Variants in USP44 observed in about 807,000 individuals in gnomAD.
The protein encoded by USP44 is ubiquitin carboxyl-terminal hydrolase 44.
In USP44, 61 loss-of-function variants were observed where a neutral mutation model predicts 69.0. The ratio of observed to expected loss-of-function variants is 0.88; its 90% CI spans 0.72 to 1.09. The LOEUF (loss-of-function observed/expected upper bound fraction) is 1.09, where lower values mean the gene tolerates loss of function less well. USP44 is among the 50% of genes least tolerant of loss of function. The pLI is 0.00. For synonymous variants in USP44, 297 were observed against 295.4 expected (o/e 1.01, Z -0.06); for missense variants, 753 against 849.9 (o/e 0.89, Z 1.42).
At chr12:95,537,792 G>C (rs1367388103) in intron 1 of USP44, among the ~76,000 whole-genome samples, 2 of 152,144 alleles carry the variant, frequency 1.3e-5, no homozygotes, top group African/African-American at 2.4e-5. Flanking sequence ...TGGGTAATGG[G>C]ACTGAAAATT....
chr12:95,534,949 G>C (rs1208434763), intron 1 of USP44, among the ~76,000 whole-genome samples: 1 of 152,190 alleles, frequency 6.6e-6, no homozygotes, highest in African/African-American at 2.4e-5. Context: ...CCAAAGTGCT[G>C]GGATTACAGG....
In USP44 at chr12:95,540,817, A is replaced by AT. The variant is rs1327579038; in HGVS notation, c.-70-6492dup. Among the ~76,000 whole-genome samples the AT allele has an allele frequency of 5.3e-5, 8 of 152,154 alleles. No individual in the cohort carries two copies. In the East Asian group the frequency reaches 1.5e-3, roughly 29 times the overall value. On this transcript the variant is annotated intron_variant, in intron 1 of 5. Coordinates refer to ENST00000258499, the MANE Select transcript of USP44 (RefSeq NM_032147.5). ...TCATCTGGATTGTCTCCTGCATACT[A>AT]TCCCACCAAATTAACCTTTGAGTTT...
chr12:95,533,445 C>T lies in USP44; in HGVS notation c.812G>A (p.Gly271Asp), dbSNP rs772324789. 3 of 1,614,152 alleles carry T rather than the reference C, an allele frequency of 1.9e-6. No individual in the cohort carries two copies. The Admixed American group carries it at 5.0e-5, about 27-fold the overall frequency. The change falls in exon 2 of 6, where the codon GGT (glycine) becomes GAT (aspartate). Residue 271 changes from glycine to aspartate, a missense_variant. Transcript: ENST00000258499. ...TCCCAAATTTCTCAATCCTGTTACA[C>T]CAGGAGTTACTATTGGCCTTCGTTT... Reference protein sequence around the residue: ...SVKRRPIVTPGVTGLRNLGNT... With the variant: ...SVKRRPIVTPDVTGLRNLGNT...
chr12:95,534,230 A>G lies in USP44; in HGVS notation c.27T>C (p.His9=). Residue 9 remains histidine, a synonymous_variant, in exon 2 of 6, where the codon CAT becomes CAC. Transcript: ENST00000258499. ...CTTGAGCAAGCTGCAGCTGCCCAAC[A>G]TGTTTGCACGTATCCATTGCTAGCA... MLAMDTCK[H]VGQLQLAQDH... The G allele has an allele frequency of 6.2e-7, 1 of 1,612,620 alleles. No homozygotes were observed. The highest frequency in any genetic ancestry group is 8.5e-7 in the Non-Finnish European group (1 of 1,178,946).
chr12:95,518,285 C>T lies in USP44; in HGVS notation c.2008G>A (p.Ala670Thr). Residue 670 changes from alanine (A) to threonine (T), a missense_variant, in exon 6 of 6, where the codon GCT (alanine) becomes ACT (threonine). Physicochemically the swap from Ala to Thr is moderately conservative, Grantham distance 58. Transcript: ENST00000258499. ...CTMDEVCKAQ[A>T]YILFYTQRVT... is the part of the protein sequence containing the mutation. ...CGTTGGGTATAAAACAAGATATAAG[C>T]TTGAGCCTTGCATACTTCATCCATA... 1 of 1,614,126 alleles carries T rather than the reference C, an allele frequency of 6.2e-7. No individual in the cohort carries two copies. The highest frequency in any genetic ancestry group is 1.3e-5 in the African/African-American group (1 of 75,032).
rs561565870 is a variant in USP44 at position 95,517,929 on chromosome 12, C to A, written c.*225G>T. On this transcript the variant is annotated 3_prime_UTR_variant, in exon 6 of 6. Transcript: ENST00000258499. ...CATAAAAATATAAAAGAGGTAACAT[C>A]AGTCTGAGGTAAACACCAAAAGTTT... is the stretch of plus-strand genomic sequence containing the variant. The A allele has an allele frequency of 7.6e-6, 3 of 394,016 alleles. No homozygotes were observed. The East Asian group carries it at 1.2e-4, about 16-fold the overall frequency. The allele number at this position is 394,016 out of a possible 1,614,324, so 24.4% of individuals were successfully genotyped here.
chr12:95,538,475 T>C (rs1428706112), intron 1 of USP44, among the ~76,000 whole-genome samples: 2 of 151,880 alleles, frequency 1.3e-5, no homozygotes, highest in Non-Finnish European at 2.9e-5. Context: ...ACTAAGGTGC[T>C]AACAGATAAT....
intron 5 of USP44, among the ~76,000 whole-genome samples, chr12:95,519,983 A>G (rs1199009856): frequency 3.2e-5 from 4 of 123,644 alleles, no homozygotes; most frequent in Non-Finnish European, 4.8e-5. Flanking sequence ...ACTCTAGCCC[A>G]GGGGAAAGAG....
At chr12:95,538,545 G>C (rs1286917425) in intron 1 of USP44, among the ~76,000 whole-genome samples, 1 of 150,008 alleles carries the variant, frequency 6.7e-6, no homozygotes, top group Admixed American at 6.6e-5. Flanking sequence ...ATTTTAAAAG[G>C]GGGGGGTCTC....
At chr12:95,539,989 T>G (rs2077336336) in intron 1 of USP44, among the ~76,000 whole-genome samples, 1 of 152,324 alleles carries the variant, frequency 6.6e-6, no homozygotes, top group African/African-American at 2.4e-5. Context: ...TAATTTCTAT[T>G]AACTCAAATT....
Position 95,537,006 on chromosome 12 carries a change from A to G in USP44, c.-70-2680T>C, listed in dbSNP as rs139792337. Among the ~76,000 whole-genome samples, 5 of 152,346 alleles carry G rather than the reference A, an allele frequency of 3.3e-5. 1 individual carries two copies. Among genetic ancestry groups the G allele is most frequent in the African/African-American group, 9.6e-5 (4 of 41,586 alleles). The stretch of plus-strand genomic sequence containing the variant: ...GAGCCACTGAAGAAATCTGTAGAGG[A>G]GAATGATATGATCAGATCTGTGGGT... On this transcript the variant is annotated intron_variant, in intron 1 of 5. Coordinates refer to ENST00000258499, the MANE Select transcript of USP44 (RefSeq NM_032147.5).
chr12:95,533,814 G>A lies in USP44; in HGVS notation c.443C>T (p.Thr148Ile). The A allele has an allele frequency of 6.2e-7, 1 of 1,614,120 alleles. No individual in the cohort carries two copies. The change falls in exon 2 of 6, where the codon ACT (threonine) becomes ATT (isoleucine). Residue 148 changes from threonine (T) to isoleucine (I), a missense_variant. By Grantham distance (89) the Thr-to-Ile change is moderately conservative. Coordinates refer to ENST00000258499, the MANE Select transcript of USP44 (RefSeq NM_032147.5). ...SLLQSEDQLY[T>I]ALWHRRRILM... ...TATCCTTCTCCTGTGCCAAAGAGCA[G>A]TATACAGTTGATCTTCACTTTGAAG...
At chr12:95,535,146 A>G (rs1358032935) in intron 1 of USP44, among the ~76,000 whole-genome samples, 1 of 152,268 alleles carries the variant, frequency 6.6e-6, no homozygotes, top group African/African-American at 2.4e-5. Flanking sequence ...ACACTGTTAA[A>G]TGTATGATTT....
intron 1 of USP44, chr12:95,546,390 T>C (rs2077571708): frequency 6.6e-6 from 1 of 152,246 alleles, no homozygotes; most frequent in Admixed American, 6.5e-5. Flanking sequence ...TAAAGTTTTT[T>C]ATGGCGTCTA....
intron 4 of USP44, among the ~76,000 whole-genome samples, chr12:95,521,678 G>A (rs2076666533): frequency 6.6e-6 from 1 of 152,116 alleles, no homozygotes; most frequent in Non-Finnish European, 1.5e-5. Flanking sequence ...GTAGAGACAG[G>A]ACTTTATCAT....
At position 95,534,334 on chromosome 12, in the gene USP44, G is replaced by T; in HGVS notation, c.-70-8C>A. On this transcript the variant is annotated splice_region_variant and splice_polypyrimidine_tract_variant and intron_variant, in intron 1 of 5. Coordinates refer to ENST00000258499, the MANE Select transcript of USP44 (RefSeq NM_032147.5). ...ACTTGAAGCATCTGAAAACTAAACAGAACAATGTCAAGTGTTAATAACAAG... is the reference window on the plus strand; with the variant it reads ...ACTTGAAGCATCTGAAAACTAAACATAACAATGTCAAGTGTTAATAACAAG... The T allele has an allele frequency of 7.6e-7, 1 of 1,313,278 alleles. No individual in the cohort carries two copies. The allele number at this position is 1,313,278 out of a possible 1,614,324, so 81.4% of individuals were successfully genotyped here. A position where few individuals can be genotyped will look rare whatever the true frequency, so the allele number is the denominator to read the frequency against.
rs544554452 is a variant in USP44 at position 95,546,158 on chromosome 12, A to G, written c.-71+5114T>C. ...GTCACATCAACAAATTTACACATCAATCTACCGCAGCTAACTTCGTAACAA... is the reference window on the plus strand; with the variant it reads ...GTCACATCAACAAATTTACACATCAGTCTACCGCAGCTAACTTCGTAACAA... On this transcript the variant is annotated intron_variant, in intron 1 of 5. Coordinates refer to ENST00000258499, the MANE Select transcript of USP44 (RefSeq NM_032147.5). Among the ~76,000 whole-genome samples, 22 of 152,356 alleles carry G rather than the reference A, an allele frequency of 1.4e-4. No homozygotes were observed. The South Asian group carries it at 4.3e-3, about 30-fold the overall frequency.
chr12:95,541,512 C>T lies in USP44; in HGVS notation c.-70-7186G>A, dbSNP rs2077389021. Among the ~76,000 whole-genome samples, 3 of 151,732 alleles carry T rather than the reference C, an allele frequency of 2.0e-5. No homozygotes were observed. In the South Asian group the frequency reaches 6.3e-4, roughly 32 times the overall value. On this transcript the variant is annotated intron_variant, in intron 1 of 5. Transcript: ENST00000258499. ...GAGGATCACCTAAGCATGGGGAGGT[C>T]GAGGCTGCAGCGAGCCATGATGGTG...
intron 1 of USP44, among the ~76,000 whole-genome samples, chr12:95,544,491 T>C (rs1228147881): frequency 6.6e-6 from 1 of 152,150 alleles, no homozygotes; most frequent in Non-Finnish European, 1.5e-5. Flanking sequence ...CAAGAGGATA[T>C]CAGGTACCAA....
Sources: gnomAD v4.1 joint callset for allele counts (sites outside exome capture counted in the v4.1 genomes callset) on GRCh38, gnomAD v4.1.1 for gene constraint, MANE v1.5 for transcripts, NCBI Gene and HGNC (gene_info 2026-07-23, HGNC 2026-07-21) for gene names.